Variants in FKBP11 observed in about 807,000 individuals in gnomAD.
FKBP11 encodes the protein peptidyl-prolyl cis-trans isomerase FKBP11.
FKBP11 carries 21 observed loss-of-function variants against 24.7 expected under a neutral mutation model. The ratio of observed to expected loss-of-function variants is 0.85; its 90% CI spans 0.60 to 1.23. The LOEUF (loss-of-function observed/expected upper bound fraction) is 1.23. FKBP11 is among the 50% of genes most tolerant of loss of function. The pLI is 0.00. For missense variants in FKBP11, 245 were observed against 248.7 expected (o/e 0.99, Z 0.10); for synonymous variants, 106 against 100.6 (o/e 1.05, Z -0.32).
chr12:48,923,304 G>A lies in FKBP11; in HGVS notation c.388+478C>T, dbSNP rs1939877924. On this transcript the variant is annotated intron_variant, in intron 5 of 5. Coordinates refer to ENST00000550765, the MANE Select transcript of FKBP11 (RefSeq NM_016594.3). The stretch of plus-strand genomic sequence containing the variant: ...ATAGACATCGGCAGTGACCAATGAT[G>A]GCTTTTAAAGTTATGGGGCAGACTT... The A allele has an allele frequency of 1.5e-5, 21 of 1,413,932 alleles. 1 individual carries two copies. The South Asian group carries it at 3.2e-4, about 21-fold the overall frequency. The allele number at this position is 1,413,932 out of a possible 1,614,324, so 87.6% of individuals were successfully genotyped here. A position where few individuals can be genotyped will look rare whatever the true frequency, so the allele number is the denominator to read the frequency against.
At position 48,922,073 on chromosome 12, in the gene FKBP11, C is replaced by CA; in HGVS notation, c.516dup (p.Gly173TrpfsTer10). 6.2e-7 allele frequency: 1 copy of CA among 1,614,090 alleles called. No homozygotes were observed. Among genetic ancestry groups the CA allele is most frequent in the African/African-American group, 1.3e-5 (1 of 74,994 alleles). On this transcript the variant is annotated frameshift_variant, in exon 6 of 6. Coordinates refer to ENST00000550765, the MANE Select transcript of FKBP11 (RefSeq NM_016594.3). LOFTEE classifies it high-confidence loss of function. ...TTGGCCTTTCTGTATAGGTGATACC[C>CA]AATGAGGCCCAGGAGGGCTGGCACC...
At chr12:48,937,650 T>G in the FKBP11 span, 1 of 152,358 alleles carries the variant, frequency 6.6e-6, no homozygotes, top group Non-Finnish European at 1.5e-5. Context: ...TCTGAGGGCC[T>G]GGAAACAATA....
At position 48,921,979 on chromosome 12, in the gene FKBP11, A is replaced by G; in HGVS notation, c.*5T>C. On this transcript the variant is annotated 3_prime_UTR_variant, in exon 6 of 6. Transcript: ENST00000550765. ...GCAAATAAGTTTTTTAAAATTTATT[A>G]TTTATTATTTCTTTTTGCTCTTGTT... The G allele has an allele frequency of 3.8e-6, 6 of 1,568,668 alleles. No homozygotes were observed. Among genetic ancestry groups the G allele is most frequent in the South Asian group, 1.2e-5 (1 of 81,796 alleles).
chr12:48,923,679 CT>C, intron 5 of FKBP11, 102 bp downstream of exon 5: 5 of 1,588,512 alleles, frequency 3.1e-6, no homozygotes, highest in Non-Finnish European at 4.3e-6. Flanking sequence ...TCTAAACAAA[CT>C]TGGTCTGGAT....
At chr12:48,922,421 G>T in intron 5 of FKBP11, 2 of 719,854 alleles carry the variant, frequency 2.8e-6, no homozygotes, top group Non-Finnish European at 4.0e-6. Flanking sequence ...TGTGGCTTGG[G>T]TCCAGTGACA....
intron 4 of FKBP11, 126 bp from the exon 5 acceptor site, chr12:48,923,978 A>G (rs1440400901): frequency 3.9e-6 from 4 of 1,018,104 alleles, no homozygotes; most frequent in Non-Finnish European, 6.2e-6. Flanking sequence ...TTTCCACCTG[A>G]ACACCAAACA....
chr12:48,938,992 G>A, the FKBP11 span: 11 of 1,613,018 alleles, frequency 6.8e-6, no homozygotes, highest in South Asian at 5.5e-5. Flanking sequence ...CCAGGCCTTC[G>A]TACAGCCCGT....
chr12:48,926,643 G>A (rs533803320), upstream of FKBP11, among the ~76,000 whole-genome samples: 10 of 142,402 alleles, frequency 7.0e-5, no homozygotes, highest in Admixed American at 4.4e-4. Flanking sequence ...ACAGGCATGC[G>A]CCACCATGCC....
At chr12:48,927,106 C>T (rs920010094), upstream of FKBP11, among the ~76,000 whole-genome samples, 4 of 152,256 alleles carry the variant, frequency 2.6e-5, no homozygotes, top group Non-Finnish European at 4.4e-5. Context: ...ATGCGCCCAG[C>T]CAACAGTCTT....
upstream of FKBP11, among the ~76,000 whole-genome samples, chr12:48,928,639 C>T (rs893881360): frequency 6.6e-5 from 10 of 151,618 alleles, no homozygotes; most frequent in South Asian, 1.7e-3. Flanking sequence ...GCCACCACAC[C>T]AGGCTAATTT....
chr12:48,924,443 G>T, intron 3 of FKBP11, 118 bp downstream of exon 3: 5 of 1,163,516 alleles, frequency 4.3e-6, no homozygotes, highest in East Asian at 2.4e-5. Context: ...GAGGTAACTC[G>T]TAGAGCCCTA....
chr12:48,924,508 TAAGA>T (rs1939908251), intron 3 of FKBP11, 49 bp downstream of exon 3: 1 of 1,538,652 alleles, frequency 6.5e-7, no homozygotes, highest in African/African-American at 1.4e-5. Context: ...CCGAAGAGGC[TAAGA>T]AAGGGCTTAG....
At chr12:48,930,899 C>T (rs947531035), upstream of FKBP11, among the ~76,000 whole-genome samples, 5 of 151,918 alleles carry the variant, frequency 3.3e-5, no homozygotes, top group African/African-American at 9.7e-5. Flanking sequence ...GAGGCCGAGG[C>T]GGGCGGATCA....
upstream of FKBP11, chr12:48,931,469 T>A (rs753735878): frequency 1.2e-5 from 18 of 1,535,894 alleles, no homozygotes; most frequent in Non-Finnish European, 1.6e-5. Flanking sequence ...TTTCCTTGGA[T>A]CAAGTTAGAA....
chr12:48,928,057 T>C (rs989762125), upstream of FKBP11, among the ~76,000 whole-genome samples: 1 of 146,478 alleles, frequency 6.8e-6, no homozygotes, highest in African/African-American at 2.6e-5. Flanking sequence ...TTTTTTTTTT[T>C]TTTTTTTTGA....
Position 48,922,151 on chromosome 12 carries a change from T to A in FKBP11, c.439A>T (p.Asn147Tyr), listed in dbSNP as rs1171766310. ...CCCTTCACCAGCTTTAGCCAGTAGT[T>A]GGCTCGGATTAGTGCAATCAGCTCC... ...DVELIALIRA[N>Y]YWLKLVKGIL... The change falls in exon 6 of 6, where the codon AAC becomes TAC. Residue 147 changes from asparagine (N) to tyrosine (Y), a missense_variant. By Grantham distance (143) the Asn-to-Tyr change is moderately radical (BLOSUM62 -2). Coordinates refer to ENST00000550765, the MANE Select transcript of FKBP11 (RefSeq NM_016594.3). 6.2e-7 allele frequency: 1 copy of A among 1,614,018 alleles called. No individual in the cohort carries two copies. Among genetic ancestry groups the A allele is most frequent in the African/African-American group, 1.3e-5 (1 of 74,916 alleles).
chr12:48,927,002 G>A (rs1289291703), upstream of FKBP11, among the ~76,000 whole-genome samples: 2 of 152,092 alleles, frequency 1.3e-5, no homozygotes, highest in Non-Finnish European at 2.9e-5. Context: ...TAGAGATGGG[G>A]TTTCGCCATG....
upstream of FKBP11, among the ~76,000 whole-genome samples, chr12:48,927,933 A>G (rs572407628): frequency 1.0e-3 from 152 of 148,294 alleles, 1 homozygote; most frequent in African/African-American, 2.8e-3. Flanking sequence ...TTTGTGGGGG[A>G]AAAAAAAAAG....
At chr12:48,934,576 G>A in the FKBP11 span, among the ~76,000 whole-genome samples, 1 of 152,148 alleles carries the variant, frequency 6.6e-6, no homozygotes, top group Admixed American at 6.5e-5. Flanking sequence ...TGAGTACTAA[G>A]GGACAGATGG....
Sources: allele counts gnomAD v4.1 joint callset (sites outside exome capture counted in the v4.1 genomes callset), GRCh38; gene constraint gnomAD v4.1.1; transcripts MANE v1.5; gene names NCBI Gene and HGNC (gene_info 2026-07-23, HGNC 2026-07-21).